RAB38: variants seen among roughly 807,000 people sequenced by gnomAD.
RAB38 encodes RAB38, member RAS oncogene family.
A neutral mutation model predicts 18.4 loss-of-function variants in RAB38; 15 were observed. That is an observed-to-expected ratio of 0.82 (90% confidence interval 0.55 to 1.26). RAB38 has a LOEUF of 1.26. RAB38 is among the 50% of genes most tolerant of loss of function. The probability of loss-of-function intolerance (pLI) is 0.00; values close to 1 mark genes in which losing one functional copy is unlikely to be tolerated. For missense variants in RAB38, 294 were observed against 267.4 expected (o/e 1.10, Z -0.69); for synonymous variants, 101 against 104.4 (o/e 0.97, Z 0.20).
chr11:88,112,395 C>T (rs1942484981), downstream of RAB38, among the ~76,000 whole-genome samples: 1 of 152,156 alleles, frequency 6.6e-6, no homozygotes, highest in Non-Finnish European at 1.5e-5. Context: ...ACTGTTCTCC[C>T]ACTGGAAAGA....
At chr11:87,935,225 T>A in the RAB38 span, among the ~76,000 whole-genome samples, 1 of 152,098 alleles carries the variant, frequency 6.6e-6, no homozygotes, top group Non-Finnish European at 1.5e-5. Flanking sequence ...CATGTGAAAA[T>A]CCTCTTTGGC....
chr11:88,160,013 A>G (rs1943171452), intron 1 of RAB38, among the ~76,000 whole-genome samples: 1 of 152,200 alleles, frequency 6.6e-6, no homozygotes, highest in Non-Finnish European at 1.5e-5. Context: ...CTGCACAGCA[A>G]AAGAAATTAT....
chr11:87,839,348 A>G, the RAB38 span, among the ~76,000 whole-genome samples: 1 of 152,240 alleles, frequency 6.6e-6, no homozygotes, highest in African/African-American at 2.4e-5. Context: ...GAGATGTTGC[A>G]GAAAGTCAAG....
the RAB38 span, among the ~76,000 whole-genome samples, chr11:87,835,779 C>T: frequency 1.3e-5 from 2 of 152,154 alleles, no homozygotes; most frequent in African/African-American, 2.4e-5. Context: ...TTATCTTAGA[C>T]TTCCATTTTC....
At chr11:87,846,227 T>G in the RAB38 span, among the ~76,000 whole-genome samples, 1 of 151,974 alleles carries the variant, frequency 6.6e-6, no homozygotes, top group Admixed American at 6.6e-5. Context: ...AAGAGAATGG[T>G]AGGTCTAGAT....
chr11:88,008,891 C>G, the RAB38 span, among the ~76,000 whole-genome samples: 1 of 152,156 alleles, frequency 6.6e-6, no homozygotes, highest in Non-Finnish European at 1.5e-5. Context: ...CCAGGATGGT[C>G]TGAAACTCTT....
the RAB38 span, among the ~76,000 whole-genome samples, chr11:87,853,427 A>G: frequency 6.6e-6 from 1 of 152,298 alleles, no homozygotes; most frequent in East Asian, 1.9e-4. Flanking sequence ...GGCTATCTGA[A>G]AGCCAGGAGG....
At chr11:87,857,874 C>A in the RAB38 span, among the ~76,000 whole-genome samples, 64 of 152,258 alleles carry the variant, frequency 4.2e-4, no homozygotes, top group African/African-American at 1.4e-3. Flanking sequence ...TTAATTAGAT[C>A]CCATTTGTCA....
At chr11:87,939,721 A>AAAAAG in the RAB38 span, among the ~76,000 whole-genome samples, 1 of 151,970 alleles carries the variant, frequency 6.6e-6, no homozygotes, top group Non-Finnish European at 1.5e-5. Context: ...AAGAAAAGAA[A>AAAAAG]AAAAGAAAAG....
intron 1 of RAB38, chr11:88,166,890 G>T (rs1489364329): frequency 6.6e-6 from 1 of 152,108 alleles, no homozygotes; most frequent in Non-Finnish European, 1.5e-5. Context: ...TTTTATTGAA[G>T]AAATGTTTAG....
the RAB38 span, among the ~76,000 whole-genome samples, chr11:87,899,699 C>T: frequency 6.6e-6 from 1 of 151,546 alleles, no homozygotes; most frequent in Non-Finnish European, 1.5e-5. Flanking sequence ...TCAGGAATGG[C>T]AACTTTCTTG....
the RAB38 span, among the ~76,000 whole-genome samples, chr11:88,086,388 C>T: frequency 6.6e-6 from 1 of 151,832 alleles, no homozygotes; most frequent in African/African-American, 2.4e-5. Context: ...ACATATTCTC[C>T]TTGGACAAGG....
At chr11:87,976,201 C>T in the RAB38 span, among the ~76,000 whole-genome samples, 63 of 144,678 alleles carry the variant, frequency 4.4e-4, no homozygotes, top group African/African-American at 1.4e-3. Flanking sequence ...TATATATACT[C>T]TATGTATATT....
At chr11:88,169,261 A>G (rs1943280708) in intron 1 of RAB38, among the ~76,000 whole-genome samples, 1 of 152,226 alleles carries the variant, frequency 6.6e-6, no homozygotes, top group Non-Finnish European at 1.5e-5. Context: ...AATGTGGACA[A>G]ATGTCTAGTT....
the RAB38 span, among the ~76,000 whole-genome samples, chr11:88,027,371 G>A: frequency 7.2e-4 from 109 of 152,136 alleles, no homozygotes; most frequent in Non-Finnish European, 1.3e-3. Context: ...GACAGTGGGC[G>A]CAGGTCAGTG....
the RAB38 span, among the ~76,000 whole-genome samples, chr11:87,888,993 T>TTTTAG: frequency 6.6e-6 from 1 of 151,930 alleles, no homozygotes. Context: ...TTTCCCTAAT[T>TTTTAG]AGTGCTCATG....
At chr11:87,922,117 C>T in the RAB38 span, among the ~76,000 whole-genome samples, 2 of 152,012 alleles carry the variant, frequency 1.3e-5, no homozygotes, top group Non-Finnish European at 2.9e-5. Flanking sequence ...ACTTATATGA[C>T]TGTAAATATT....
chr11:88,150,494 C>G (rs1043938498), intron 1 of RAB38, among the ~76,000 whole-genome samples: 22 of 152,094 alleles, frequency 1.4e-4, no homozygotes, highest in Admixed American at 6.6e-5. Context: ...AAGACAGACT[C>G]TAAACAATAA....
the RAB38 span, among the ~76,000 whole-genome samples, chr11:88,022,128 C>T: frequency 3.3e-5 from 5 of 151,948 alleles, no homozygotes; most frequent in African/African-American, 1.2e-4. Context: ...AATTCAACAA[C>T]ACATTGGAAA....
Sources: gnomAD v4.1 joint callset for allele counts (sites outside exome capture counted in the v4.1 genomes callset) on GRCh38, gnomAD v4.1.1 for gene constraint, MANE v1.5 for transcripts, NCBI Gene and HGNC (gene_info 2026-07-23, HGNC 2026-07-21) for gene names.